Variants in CPD observed in about 807,000 individuals in gnomAD.
The protein encoded by CPD is carboxypeptidase D.
A neutral mutation model predicts 138.3 loss-of-function variants in CPD; 69 were observed. The observed-to-expected ratio is 0.50, with a 90% CI of 0.41 to 0.61. The LOEUF (loss-of-function observed/expected upper bound fraction) is 0.61. Among genes scored for constraint, CPD ranks in the 20% least tolerant of loss-of-function variants. The pLI, the probability that CPD is intolerant of heterozygous loss-of-function variation, is 0.00. For synonymous variants in CPD, 651 were observed against 642.1 expected (o/e 1.01, Z -0.21); for missense variants, 1,432 against 1,733.3 (o/e 0.83, Z 3.09).
chr17:30,462,955 A>G (rs1259278315), intron 20 of CPD, among the ~76,000 whole-genome samples: 1 of 152,246 alleles, frequency 6.6e-6, no homozygotes, highest in African/African-American at 2.4e-5. Context: ...CAGATCACTC[A>G]TGCTATTGTT....
chr17:30,463,050 T>C (rs774881819), intron 20 of CPD, among the ~76,000 whole-genome samples: 1 of 152,212 alleles, frequency 6.6e-6, no homozygotes, highest in African/African-American at 2.4e-5. Flanking sequence ...CCCACAACCT[T>C]CTAGTGTGGA....
At chr17:30,405,254 G>A (rs1024047519) in intron 2 of CPD, among the ~76,000 whole-genome samples, 21 of 152,072 alleles carry the variant, frequency 1.4e-4, no homozygotes, top group Admixed American at 1.3e-3. Context: ...GGAGCAGTTG[G>A]GGGAATAGTC....
intron 6 of CPD, among the ~76,000 whole-genome samples, chr17:30,425,259 A>C (rs988019678): frequency 2.6e-5 from 4 of 152,114 alleles, no homozygotes; most frequent in Admixed American, 2.0e-4. Context: ...GGCTAACTTT[A>C]CCTTTTTGTG....
chr17:30,451,618 G>A, intron 13 of CPD, 93 bp from the exon 14 acceptor site: 1 of 1,126,880 alleles, frequency 8.9e-7, no homozygotes, highest in East Asian at 2.5e-5. Flanking sequence ...TTAACTATGT[G>A]TAGAATAAAC....
At chr17:30,394,175 A>AG (rs1567866734) in intron 2 of CPD, among the ~76,000 whole-genome samples, 1 of 94,480 alleles carries the variant, frequency 1.1e-5, no homozygotes, top group Non-Finnish European at 2.1e-5. Flanking sequence ...CAAAAAAAAA[A>AG]GAAAAAAAAA....
At chr17:30,458,709 A>G (rs1913366482) in intron 17 of CPD, among the ~76,000 whole-genome samples, 1 of 152,120 alleles carries the variant, frequency 6.6e-6, no homozygotes, top group South Asian at 2.1e-4. Context: ...TACTAAAAAT[A>G]CAAACATTAG....
In CPD at chr17:30,449,578, C is replaced by T. The variant is rs937343215; in HGVS notation, c.2899C>T (p.His967Tyr). Residue 967 changes from histidine to tyrosine, a missense_variant, in exon 13 of 21, where the codon CAC (histidine) becomes TAC (tyrosine). This residue lies in a region of CPD where 366 missense variants were observed against 518.8 expected (regional missense o/e 0.71). Transcript: ENST00000225719. ...TTTGGGACAGAGCACTGAATATCGT[C>T]ACATTTGGTCCCTTGAAATCTCCAA... ...TNLGQSTEYR[H>Y]IWSLEISNKP... The T allele has an allele frequency of 1.3e-6, 2 of 1,596,996 alleles. No individual in the cohort carries two copies. The highest frequency in any genetic ancestry group is 1.7e-6 in the Non-Finnish European group (2 of 1,175,740).
At chr17:30,392,244 A>G (rs1398149890) in intron 2 of CPD, among the ~76,000 whole-genome samples, 1 of 152,106 alleles carries the variant, frequency 6.6e-6, no homozygotes, top group Non-Finnish European at 1.5e-5. Flanking sequence ...TCCTGACCTC[A>G]GGTGATCTGC....
intron 2 of CPD, among the ~76,000 whole-genome samples, chr17:30,399,312 T>C (rs1164905181): frequency 6.6e-6 from 1 of 152,152 alleles, no homozygotes; most frequent in African/African-American, 2.4e-5. Flanking sequence ...GGGTATAGTA[T>C]AAATATCATT....
At chr17:30,397,304 A>C (rs1355340444) in intron 2 of CPD, among the ~76,000 whole-genome samples, 1 of 152,214 alleles carries the variant, frequency 6.6e-6, no homozygotes, top group East Asian at 1.9e-4. Flanking sequence ...AATTAAGAAA[A>C]ATTTAAATAC....
At chr17:30,382,229 A>G (rs904463743) in intron 1 of CPD, among the ~76,000 whole-genome samples, 1 of 152,150 alleles carries the variant, frequency 6.6e-6, no homozygotes, top group Non-Finnish European at 1.5e-5. Context: ...ATATCAAGTT[A>G]TCTTAATTTT....
rs771254289 is a variant in CPD at position 30,379,591 on chromosome 17, G to C, written c.611G>C (p.Gly204Ala). ...DCGFGDGGPS[G>A]ASGRDNSRGR... ...GGCTTCGGCGACGGCGGCCCGTCCG[G>C]GGCCAGCGGCCGCGACAATAGTCGC... The change falls in exon 1 of 21, where the codon GGG (glycine) becomes GCG (alanine). Residue 204 changes from glycine to alanine, a missense_variant. Gly to Ala is a moderately conservative substitution (Grantham distance 60). Coordinates refer to ENST00000225719, the MANE Select transcript of CPD (RefSeq NM_001304.5). The surrounding 1 kb of genome is among the most constrained non-coding windows in gnomAD (Gnocchi z 7.0). 11 of 1,486,376 alleles carry C rather than the reference G, an allele frequency of 7.4e-6. No homozygotes were observed. In the Admixed American group the frequency reaches 8.5e-5, roughly 11 times the overall value. 92.1% of individuals were successfully genotyped at this position (1,486,376 alleles called of 1,614,324 possible).
chr17:30,420,085 C>T (rs916808905), intron 2 of CPD, among the ~76,000 whole-genome samples: 10 of 152,132 alleles, frequency 6.6e-5, no homozygotes, highest in African/African-American at 2.2e-4. Context: ...AATCAAGTGA[C>T]AAGAATGATA....
chr17:30,455,714 C>T, intron 15 of CPD: 1 of 397,618 alleles, frequency 2.5e-6, no homozygotes, highest in Non-Finnish European at 4.5e-6. Flanking sequence ...AGTCCACAAG[C>T]ATTTACTGAG....
chr17:30,417,172 T>G (rs1175849894), intron 2 of CPD, among the ~76,000 whole-genome samples: 1 of 152,186 alleles, frequency 6.6e-6, no homozygotes, highest in Non-Finnish European at 1.5e-5. Flanking sequence ...TTGTTTACTG[T>G]CTGCTTCCCC....
At chr17:30,462,525 T>C in intron 20 of CPD, 56 bp downstream of exon 20, 1 of 1,239,424 alleles carries the variant, frequency 8.1e-7, no homozygotes, top group Non-Finnish European at 1.2e-6. Context: ...GACATTTCAA[T>C]ATGAGAGTGG....
intron 2 of CPD, among the ~76,000 whole-genome samples, chr17:30,391,018 C>A (rs1911341368): frequency 6.6e-6 from 1 of 151,682 alleles, no homozygotes; most frequent in Admixed American, 6.6e-5. Context: ...TTAGTAGAAA[C>A]AGGGTTTTAC....
intron 2 of CPD, among the ~76,000 whole-genome samples, chr17:30,386,401 GT>G (rs763168644): frequency 1.8e-4 from 27 of 151,666 alleles, no homozygotes; most frequent in East Asian, 7.7e-4. Context: ...ATGGAATGCT[GT>G]TTTTTTTATT....
At chr17:30,442,882 G>A (rs1054816825) in intron 10 of CPD, among the ~76,000 whole-genome samples, 15 of 152,020 alleles carry the variant, frequency 9.9e-5, no homozygotes, top group Non-Finnish European at 1.5e-4. Context: ...GGATATGTGT[G>A]GTGGCCAGTA....
Sources: gnomAD v4.1 joint callset for allele counts (sites outside exome capture counted in the v4.1 genomes callset) on GRCh38, gnomAD v4.1.1 for gene constraint, gnomAD v4.1.1 regional missense constraint, Gnocchi (gnomAD v3.1) non-coding constraint, MANE v1.5 for transcripts, NCBI Gene and HGNC (gene_info 2026-07-23, HGNC 2026-07-21) for gene names.